The following ST6GAL1 variants were observed in gnomAD, a reference collection of about 807,000 sequenced individuals.
ST6GAL1 encodes the protein beta-galactoside alpha-2,6-sialyltransferase 1.
In ST6GAL1, 20 loss-of-function variants were observed where a neutral mutation model predicts 38.0. The ratio of observed to expected loss-of-function variants is 0.53; its 90% CI spans 0.37 to 0.77. The LOEUF (loss-of-function observed/expected upper bound fraction) is 0.77, where lower values mean the gene tolerates loss of function less well. Ranked by LOEUF, ST6GAL1 falls within the 30% of genes least tolerant of loss-of-function variation. The pLI is 0.00. For synonymous variants in ST6GAL1, 196 were observed against 188.2 expected (o/e 1.04, Z -0.34); for missense variants, 432 against 496.4 (o/e 0.87, Z 1.23).
intron 2 of ST6GAL1, among the ~76,000 whole-genome samples, chr3:186,997,453 A>G (rs181037606): frequency 6.6e-6 from 1 of 152,264 alleles, no homozygotes; most frequent in East Asian, 1.9e-4. Context: ...GAAGGAACTC[A>G]CCCAGCCTAA....
chr3:187,019,171 GAT>G (rs1240986718), intron 2 of ST6GAL1, among the ~76,000 whole-genome samples: 1 of 152,158 alleles, frequency 6.6e-6, no homozygotes, highest in Non-Finnish European at 1.5e-5. Context: ...AAATACAAGA[GAT>G]ATGATTTGAT....
rs188514480 is a variant in ST6GAL1, at chr3:186,952,773, A to G, written c.-324-11012A>G. On this transcript the variant is annotated intron_variant, in intron 1 of 7. Transcript: ENST00000169298. This position sits in a 1 kb window ranked among gnomAD's most constrained non-coding sequence, Gnocchi z 4.1. ...AACCCACACCTTTCCCCTGAGTTCC[A>G]TGCTCAGATATTCAACCATCTACTT... Among the ~76,000 whole-genome samples, 2 of 152,252 alleles carry G rather than the reference A, an allele frequency of 1.3e-5. No individual in the cohort carries two copies. The highest frequency in any genetic ancestry group is 6.5e-5 in the Admixed American group (1 of 15,286).
At chr3:186,969,413 G>T (rs996368856) in intron 2 of ST6GAL1, among the ~76,000 whole-genome samples, 1 of 152,084 alleles carries the variant, frequency 6.6e-6, no homozygotes, top group Non-Finnish European at 1.5e-5. Flanking sequence ...GTGCATTCCC[G>T]TAAACACTAA....
chr3:186,947,848 C>T (rs767411935), intron 1 of ST6GAL1, among the ~76,000 whole-genome samples: 10 of 152,296 alleles, frequency 6.6e-5, no homozygotes, highest in East Asian at 3.9e-4. Flanking sequence ...TTTGTTATTG[C>T]GGACACACCC....
At position 186,992,094 on chromosome 3, in the gene ST6GAL1, A is replaced by G. The variant is rs557408997; in HGVS notation, c.-183+28168A>G. Among the ~76,000 whole-genome samples, 12 of 152,204 alleles carry G rather than the reference A, an allele frequency of 7.9e-5. No homozygotes were observed. The East Asian group carries it at 2.3e-3, about 29-fold the overall frequency. On this transcript the variant is annotated intron_variant, in intron 2 of 7. Coordinates refer to ENST00000169298, the MANE Select transcript of ST6GAL1 (RefSeq NM_173216.2). ...AGTATCCCGCCATAAATACCTTCCA[A>G]AATTCTAAATGTAGTACATGACCAT...
chr3:187,068,336 C>G (rs1313163119), intron 5 of ST6GAL1, among the ~76,000 whole-genome samples: 1 of 128,566 alleles, frequency 7.8e-6, no homozygotes, highest in Non-Finnish European at 1.6e-5. Context: ...AGCGAGACTC[C>G]ATCTCAAAAA....
chr3:186,958,846 G>A (rs1579271271), intron 1 of ST6GAL1, among the ~76,000 whole-genome samples: 3 of 151,918 alleles, frequency 2.0e-5, no homozygotes, highest in Middle Eastern at 3.4e-3. Flanking sequence ...CCAGCTACTC[G>A]GGAGGCTGAG....
chr3:187,014,282 T>G (rs1300473653), intron 2 of ST6GAL1, among the ~76,000 whole-genome samples: 1 of 152,264 alleles, frequency 6.6e-6, no homozygotes, highest in South Asian at 2.1e-4. Flanking sequence ...ACTCCAAGTC[T>G]TGGTGCAAAT....
intron 4 of ST6GAL1, among the ~76,000 whole-genome samples, chr3:187,049,234 C>T (rs1338691833): frequency 6.6e-6 from 1 of 152,156 alleles, no homozygotes; most frequent in African/African-American, 2.4e-5. Flanking sequence ...ATTTCTCACT[C>T]TCTGGATTTT....
chr3:187,021,385 G>A (rs773678441), intron 2 of ST6GAL1, among the ~76,000 whole-genome samples: 11 of 152,126 alleles, frequency 7.2e-5, no homozygotes, highest in East Asian at 3.8e-4. Context: ...CTCTCCTGCC[G>A]TCCTTTCACC....
chr3:187,043,448 C>T (rs1301874538), intron 4 of ST6GAL1, 138 bp downstream of exon 4: 1 of 1,247,398 alleles, frequency 8.0e-7, no homozygotes, highest in Admixed American at 2.7e-5. Flanking sequence ...TTTTCAGAGT[C>T]ACAAGTGACA....
At chr3:186,938,817 A>C (rs1261819047) in intron 1 of ST6GAL1, among the ~76,000 whole-genome samples, 2 of 152,210 alleles carry the variant, frequency 1.3e-5, no homozygotes, top group African/African-American at 4.8e-5. Context: ...CCCCATGGTC[A>C]ACCCCAGATT....
At chr3:186,974,575 T>C (rs974817915) in intron 2 of ST6GAL1, among the ~76,000 whole-genome samples, 1 of 152,140 alleles carries the variant, frequency 6.6e-6, no homozygotes. Flanking sequence ...CACAATCCAG[T>C]TATAGAACAT....
chr3:187,069,167 G>A (rs922716673), intron 5 of ST6GAL1, among the ~76,000 whole-genome samples: 1 of 149,246 alleles, frequency 6.7e-6, no homozygotes, highest in African/African-American at 2.5e-5. Flanking sequence ...ACGGAGTCTC[G>A]CTCTGTCGCC....
chr3:187,014,091 C>A (rs530752841), intron 2 of ST6GAL1, among the ~76,000 whole-genome samples: 4 of 152,340 alleles, frequency 2.6e-5, no homozygotes, highest in Admixed American at 2.0e-4. Flanking sequence ...ATTTATTAAG[C>A]ACCTGGCATG....
intron 2 of ST6GAL1, among the ~76,000 whole-genome samples, chr3:187,012,795 T>C (rs547680164): frequency 1.1e-3 from 165 of 152,310 alleles, no homozygotes; most frequent in African/African-American, 3.8e-3. Context: ...GCACATTCAG[T>C]GCAAGAGGTC....
chr3:187,002,493 C>T (rs960934358), intron 2 of ST6GAL1, among the ~76,000 whole-genome samples: 1 of 152,208 alleles, frequency 6.6e-6, no homozygotes, highest in African/African-American at 2.4e-5. Context: ...CTGGAAAATG[C>T]CAAGGACTTC....
At chr3:186,999,956 G>T (rs1334638866) in intron 2 of ST6GAL1, among the ~76,000 whole-genome samples, 2 of 152,030 alleles carry the variant, frequency 1.3e-5, no homozygotes, top group Non-Finnish European at 2.9e-5. Flanking sequence ...TCCTGTCTCA[G>T]CCTCCTGAGT....
intron 5 of ST6GAL1, among the ~76,000 whole-genome samples, chr3:187,057,775 G>C (rs1426427257): frequency 1.3e-5 from 2 of 152,208 alleles, no homozygotes; most frequent in Non-Finnish European, 2.9e-5. Flanking sequence ...GAGGCAATCT[G>C]TCCGTTCTCC....
Sources: gnomAD v4.1 joint callset for allele counts (sites outside exome capture counted in the v4.1 genomes callset) on GRCh38, gnomAD v4.1.1 for gene constraint, Gnocchi (gnomAD v3.1) non-coding constraint, MANE v1.5 for transcripts, NCBI Gene and HGNC (gene_info 2026-07-23, HGNC 2026-07-21) for gene names.